EXT1: variants seen among roughly 807,000 people sequenced by gnomAD.
EXT1 encodes exostosin-1.
EXT1 carries 20 observed loss-of-function variants against 82.5 expected under a neutral mutation model. The observed-to-expected ratio is 0.24, with a 90% confidence interval of 0.17 to 0.35. The LOEUF (loss-of-function observed/expected upper bound fraction) is 0.35. EXT1 is among the 10% of genes least tolerant of loss of function. The pLI is 1.00. For missense variants in EXT1, 757 were observed against 936.5 expected, an observed-to-expected ratio of 0.81 and a Z score of 2.50; for synonymous variants, 348 against 350.8, an observed-to-expected ratio of 0.99 and a Z score of 0.09.
At chr8:117,948,138 T>G (rs1051609393) in intron 1 of EXT1, among the ~76,000 whole-genome samples, 6 of 152,114 alleles carry the variant, frequency 3.9e-5, no homozygotes, top group Non-Finnish European at 8.8e-5. Context: ...AAGGCTCATA[T>G]GCCTAGGGCA....
At chr8:118,027,939 G>A (rs1816233157) in intron 1 of EXT1, among the ~76,000 whole-genome samples, 1 of 152,156 alleles carries the variant, frequency 6.6e-6, no homozygotes, top group African/African-American at 2.4e-5. Flanking sequence ...TATTAGTCAT[G>A]CTGCTTGATG....
At chr8:117,998,015 C>CTT (rs11324491) in intron 1 of EXT1, among the ~76,000 whole-genome samples, 1,596 of 125,620 alleles carry the variant, frequency 0.013, 39 homozygotes, top group African/African-American at 0.046. Flanking sequence ...TTTTATTTTA[C>CTT]TTTTTTTTTT....
At chr8:118,103,533 T>C (rs1817759652) in intron 1 of EXT1, among the ~76,000 whole-genome samples, 1 of 152,134 alleles carries the variant, frequency 6.6e-6, no homozygotes, top group Admixed American at 6.5e-5. Flanking sequence ...TGTGGTATGT[T>C]CCAGAAACAG....
intron 1 of EXT1, among the ~76,000 whole-genome samples, chr8:117,985,940 A>G (rs552694131): frequency 6.6e-6 from 1 of 152,218 alleles, no homozygotes; most frequent in Non-Finnish European, 1.5e-5. Context: ...TTCAACTTCA[A>G]TAATATAATT....
chr8:118,102,084 C>G (rs1352164151), intron 1 of EXT1, among the ~76,000 whole-genome samples: 1 of 151,858 alleles, frequency 6.6e-6, no homozygotes, highest in Non-Finnish European at 1.5e-5. Flanking sequence ...CTGGCCAATA[C>G]AGCAAAACCC....
intron 1 of EXT1, among the ~76,000 whole-genome samples, chr8:117,911,734 A>C (rs1813651942): frequency 6.6e-6 from 1 of 152,182 alleles, no homozygotes; most frequent in South Asian, 2.1e-4. Context: ...GATACCCAGA[A>C]TTCTCCCTCA....
intron 1 of EXT1, among the ~76,000 whole-genome samples, chr8:117,851,650 C>CACACA (rs57555594): frequency 3.4e-5 from 5 of 146,304 alleles, no homozygotes; most frequent in Non-Finnish European, 3.0e-5. Context: ...CACACACACA[C>CACACA]CATTATTTAA....
chr8:117,932,955 C>A (rs2129652868), intron 1 of EXT1, among the ~76,000 whole-genome samples: 1 of 152,256 alleles, frequency 6.6e-6, no homozygotes, highest in Non-Finnish European at 1.5e-5. Context: ...GTGCTCCTAA[C>A]ATCTTCCCCG....
chr8:117,815,788 G>C (rs537574117), intron 7 of EXT1, among the ~76,000 whole-genome samples: 3 of 152,222 alleles, frequency 2.0e-5, no homozygotes, highest in African/African-American at 4.8e-5. Flanking sequence ...AAATTAGCCA[G>C]GCTTGGTGGC....
intron 6 of EXT1, 24 bp downstream of exon 6, chr8:117,819,652 C>T: frequency 6.3e-7 from 1 of 1,596,962 alleles, no homozygotes; most frequent in Non-Finnish European, 8.6e-7. Context: ...CAGGCAGGGG[C>T]TTCTCTGTCA....
At chr8:117,999,948 A>G (rs1016360976) in intron 1 of EXT1, among the ~76,000 whole-genome samples, 4 of 148,180 alleles carry the variant, frequency 2.7e-5, no homozygotes, top group African/African-American at 1.0e-4. Flanking sequence ...ATATATATAT[A>G]TGTATGTGCG....
intron 7 of EXT1, among the ~76,000 whole-genome samples, chr8:117,817,090 T>G (rs1050663890): frequency 6.6e-6 from 1 of 152,160 alleles, no homozygotes; most frequent in African/African-American, 2.4e-5. Context: ...CTTTTCTCAT[T>G]AAATGCTTAC....
At chr8:117,936,874 C>CA (rs1180385599) in intron 1 of EXT1, among the ~76,000 whole-genome samples, 2 of 151,842 alleles carry the variant, frequency 1.3e-5, no homozygotes, top group African/African-American at 4.8e-5. Flanking sequence ...GACTCCATCT[C>CA]AAAAAATAAA....
chr8:117,805,535 G>A (rs1823224653), intron 9 of EXT1, among the ~76,000 whole-genome samples: 1 of 152,100 alleles, frequency 6.6e-6, no homozygotes, highest in Non-Finnish European at 1.5e-5. Context: ...TATACATATA[G>A]CATATATTTA....
intron 1 of EXT1, among the ~76,000 whole-genome samples, chr8:118,031,029 A>G (rs1476090612): frequency 2.6e-5 from 4 of 152,152 alleles, no homozygotes; most frequent in South Asian, 2.1e-4. Flanking sequence ...ATGAGTATCA[A>G]TGATGAAGCA....
intron 1 of EXT1, among the ~76,000 whole-genome samples, chr8:117,843,103 GA>G (rs1472386922): frequency 1.3e-5 from 2 of 151,846 alleles, no homozygotes; most frequent in African/African-American, 4.8e-5. Context: ...TATCCCTTAA[GA>G]AAAAAAGAAA....
rs1823085441 is a variant in EXT1 at position 117,796,142 on chromosome 8, T to G, written c.*3570A>C. 6.6e-6 allele frequency: 1 copy of G among 152,160 alleles called. No individual in the cohort carries two copies. Among genetic ancestry groups the G allele is most frequent in the African/African-American group, 2.4e-5 (1 of 41,438 alleles). 9.4% of individuals were successfully genotyped at this position (152,160 alleles called of 1,614,324 possible). ...AAGTAAGAGGCAGGAGCATTTTTAT[T>G]TGAGAGTTCATGGCAATAACTGCTA... On this transcript the variant is annotated 3_prime_UTR_variant, in exon 11 of 11. Transcript: ENST00000378204.
intron 1 of EXT1, among the ~76,000 whole-genome samples, chr8:117,963,840 A>ATC (rs1178326854): frequency 1.3e-5 from 2 of 152,102 alleles, no homozygotes; most frequent in Non-Finnish European, 2.9e-5. Flanking sequence ...GTAACACCCT[A>ATC]TCTCTAAAAA....
At chr8:117,822,262 A>C (rs1317679179) in intron 5 of EXT1, among the ~76,000 whole-genome samples, 1 of 152,214 alleles carries the variant, frequency 6.6e-6, no homozygotes, top group Non-Finnish European at 1.5e-5. Context: ...CTGCACAGAT[A>C]AGAAGTTTTT....
Sources: gnomAD v4.1 joint callset for allele counts (sites outside exome capture counted in the v4.1 genomes callset) on GRCh38, gnomAD v4.1.1 for gene constraint, MANE v1.5 for transcripts, NCBI Gene and HGNC (gene_info 2026-07-23, HGNC 2026-07-21) for gene names.